Variants in CLCN7 observed in about 807,000 individuals in gnomAD.
CLCN7 encodes the protein H(+)/Cl(-) exchange transporter 7.
Under a neutral mutation model 102.1 loss-of-function variants are expected in CLCN7, and 60 were observed. The ratio of observed to expected loss-of-function variants is 0.59; its 90% confidence interval spans 0.48 to 0.73. The LOEUF is 0.73. Ranked by LOEUF, CLCN7 falls within the 30% of genes least tolerant of loss-of-function variation. CLCN7 has a pLI of 0.00. For synonymous variants in CLCN7, 560 were observed against 490.5 expected (o/e 1.14, Z -1.87); for missense variants, 962 against 1,125.7 (o/e 0.85, Z 2.08).
At chr16:1,456,657 G>A (rs1222268832) in intron 9 of CLCN7, among the ~76,000 whole-genome samples, 2 of 152,058 alleles carry the variant, frequency 1.3e-5, no homozygotes, top group Non-Finnish European at 2.9e-5. Context: ...CGGCCAACAT[G>A]GCAAAACCCC....
At position 1,460,942 on chromosome 16, in the gene CLCN7, G is replaced by A. The variant is rs763806969; in HGVS notation, c.358C>T (p.Arg120Trp). ...ACCCAGCGCTTGATCTCCACCGTCC[G>A]GAAGGCCTGCAGGGCGCGGTCAGGG... ...EERRINHTAFRTVEIKRWVIC... is the reference protein window; with the variant it reads ...EERRINHTAFWTVEIKRWVIC... Residue 120 changes from arginine to tryptophan, a missense_variant, in exon 5 of 25, where the codon CGG becomes TGG. Physicochemically the swap from Arg to Trp is moderately radical, Grantham distance 101 (BLOSUM62 -3). Transcript: ENST00000382745. 4.3e-6 allele frequency: 7 copies of A among 1,613,238 alleles called. No homozygotes were observed. The highest frequency in any genetic ancestry group is 2.7e-5 in the African/African-American group (2 of 74,936).
chr16:1,453,737 T>C (rs1432494895), intron 14 of CLCN7, 97 bp downstream of exon 14: 2 of 1,145,646 alleles, frequency 1.7e-6, no homozygotes, highest in Non-Finnish European at 2.6e-6. Context: ...CTTTCGGCTG[T>C]GGCCTAGGAG....
intron 14 of CLCN7, among the ~76,000 whole-genome samples, chr16:1,453,567 C>T (rs968758567): frequency 1.3e-5 from 2 of 152,224 alleles, no homozygotes; most frequent in Non-Finnish European, 2.9e-5. Flanking sequence ...CGCCCAGGCC[C>T]GATCCCACGC....
At chr16:1,448,853 C>T in intron 19 of CLCN7, 87 bp from the exon 20 acceptor site, 1 of 1,595,402 alleles carries the variant, frequency 6.3e-7, no homozygotes, top group Non-Finnish European at 8.5e-7. Flanking sequence ...CAGAGGCCGC[C>T]CCCAGAAACC....
At chr16:1,449,427 C>G (rs2142369213) in intron 17 of CLCN7, 100 bp from the exon 18 acceptor site, 1 of 1,122,992 alleles carries the variant, frequency 8.9e-7, no homozygotes, top group African/African-American at 1.5e-5. Context: ...AGCAGCCCCA[C>G]AGCCAGGAAC....
At chr16:1,467,267 C>G (rs2039018143) in intron 1 of CLCN7, among the ~76,000 whole-genome samples, 1 of 152,180 alleles carries the variant, frequency 6.6e-6, no homozygotes, top group South Asian at 2.1e-4. Flanking sequence ...GTGGGAGGGG[C>G]TAGAGTGCAC....
chr16:1,456,566 C>T (rs1357840287), intron 9 of CLCN7, among the ~76,000 whole-genome samples: 6 of 152,224 alleles, frequency 3.9e-5, no homozygotes, highest in Non-Finnish European at 7.3e-5. Context: ...ATGGCCGGCG[C>T]GGTGCCTCAC....
rs758398351 is a variant in CLCN7, at chr16:1,449,263, A to G, written c.1669+13T>C. The G allele has an allele frequency of 1.3e-6, 2 of 1,580,790 alleles. No homozygotes were observed. The highest frequency in any genetic ancestry group is 1.7e-6 in the Non-Finnish European group (2 of 1,164,040). ...TGGAGCTCCCCACCCATCGGGCAAG[A>G]GCTGGGACATACCCAGCTGGGCAGC... On this transcript the variant is annotated intron_variant, in intron 18 of 24. Coordinates refer to ENST00000382745, the MANE Select transcript of CLCN7 (RefSeq NM_001287.6).
intron 1 of CLCN7, chr16:1,474,352 C>A: frequency 2.8e-6 from 1 of 362,962 alleles, no homozygotes; most frequent in Non-Finnish European, 5.5e-6. Flanking sequence ...TAAAGGCGCT[C>A]AGTCATTCTC....
rs1411000255 is a variant in CLCN7, at chr16:1,446,452, CAGGGTCAGTCCCGCGAG to C, written c.*162_*178del. ...CAAGGGGGGAGACCACTGCCCACAA[CAGGGTCAGTCCCGCGAG>C]AGGGTCAGTTCCGCGCCTGCCGCCT... On this transcript the variant is annotated 3_prime_UTR_variant, in exon 25 of 25. Transcript: ENST00000382745. 24 of 709,416 alleles carry C rather than the reference CAGGGTCAGTCCCGCGAG, an allele frequency of 3.4e-5. No individual in the cohort carries two copies. In the East Asian group the frequency reaches 6.2e-4, roughly 18 times the overall value. 43.9% of individuals were successfully genotyped at this position (709,416 alleles called of 1,614,324 possible).
At chr16:1,462,665 C>CAAAAGAAAAAAAAA (rs2038954461) in intron 2 of CLCN7, among the ~76,000 whole-genome samples, 1 of 36,180 alleles carries the variant, frequency 2.8e-5, no homozygotes, top group African/African-American at 7.9e-5. Flanking sequence ...AAAAAAAAGC[C>CAAAAGAAAAAAAAA]AAAAAAAAAA....
In CLCN7 at chr16:1,474,293, C is replaced by G. The variant is rs78036660; in HGVS notation, c.141+541G>C. 3,798 of 439,334 alleles carry G rather than the reference C, an allele frequency of 8.6e-3. 125 individuals carry two copies. Among genetic ancestry groups the G allele is most frequent in the African/African-American group, 0.069 (3,411 of 49,566 alleles). The allele number at this position is 439,334 out of a possible 1,614,324, so 27.2% of individuals were successfully genotyped here. A position where few individuals can be genotyped will look rare whatever the true frequency, so the allele number is the denominator to read the frequency against. ...ACTGAGTACAAATACTCGTCACTCC[C>G]AAGATCACCTGAAAGTCGGGACTGA... is the stretch of plus-strand genomic sequence containing the variant. On this transcript the variant is annotated intron_variant, in intron 1 of 24. Transcript: ENST00000382745.
chr16:1,453,503 G>A (rs1260402484), intron 14 of CLCN7, among the ~76,000 whole-genome samples: 1 of 152,236 alleles, frequency 6.6e-6, no homozygotes, highest in Non-Finnish European at 1.5e-5. Flanking sequence ...CGGTGTCCCA[G>A]GACAGCTGCG....
Position 1,447,712 on chromosome 16 carries a change from A to G in CLCN7, c.2016T>C (p.Pro672=). 1 of 1,552,678 alleles carries G rather than the reference A, an allele frequency of 6.4e-7. No individual in the cohort carries two copies. The highest frequency in any genetic ancestry group is 8.7e-7 in the Non-Finnish European group (1 of 1,148,556). ...GCAGGATCAGGCCCTGGAGCCGGGC[A>G]GGCTGCAAGACAGGCCCGCGGTCAG... ...PVVEHADDTQ[P]ARLQGLILRS... is the part of the protein sequence containing the mutation. Residue 672 remains proline, a splice_region_variant and synonymous_variant, in exon 22 of 25, where the codon CCT becomes CCC. Transcript: ENST00000382745.
intron 2 of CLCN7, among the ~76,000 whole-genome samples, chr16:1,463,243 A>C (rs1031132239): frequency 1.3e-5 from 2 of 152,116 alleles, no homozygotes; most frequent in Non-Finnish European, 2.9e-5. Flanking sequence ...TTAGGAAAAA[A>C]CGGGTCAGTC....
At position 1,452,778 on chromosome 16, in the gene CLCN7, C is replaced by T. The variant is rs754968460; in HGVS notation, c.1330G>A (p.Gly444Ser). The T allele has an allele frequency of 1.2e-6, 2 of 1,604,872 alleles. No individual in the cohort carries two copies. The highest frequency in any genetic ancestry group is 2.3e-5 in the East Asian group (1 of 44,378). Residue 444 changes from glycine to serine, a missense_variant, in exon 15 of 25, where the codon GGC (glycine) becomes AGC (serine). Gly to Ser is a moderately conservative substitution (Grantham distance 56). Transcript: ENST00000382745. The part of the protein sequence containing the change: ...SSRDCQPLQG[G>S]SMSYPLQLFC... ...ACCTGCAGCGGGTAGGACATGGAGC[C>T]CCCCTGCAGGGGCTGGCAATCCCGC...
intron 6 of CLCN7, among the ~76,000 whole-genome samples, chr16:1,459,790 C>T (rs1207872785): frequency 1.2e-4 from 8 of 65,510 alleles, no homozygotes; most frequent in East Asian, 3.8e-4. Context: ...CTTCGGGGCC[C>T]CAGGGAAGGG....
chr16:1,452,945 C>G (rs1274943594), intron 14 of CLCN7, 52 bp from the exon 15 acceptor site: 1 of 1,550,608 alleles, frequency 6.4e-7, no homozygotes. Flanking sequence ...CGCGGCCCCT[C>G]CGCAGGCCCC....
intron 2 of CLCN7, 44 bp from the exon 3 acceptor site, chr16:1,461,718 C>T (rs1246752770): frequency 2.6e-6 from 4 of 1,541,186 alleles, no homozygotes; most frequent in East Asian, 4.5e-5. Context: ...TTGACAAGGC[C>T]ACAAGGAGAG....
Sources: allele counts gnomAD v4.1 joint callset (sites outside exome capture counted in the v4.1 genomes callset), GRCh38; gene constraint gnomAD v4.1.1; transcripts MANE v1.5; gene names NCBI Gene and HGNC (gene_info 2026-07-23, HGNC 2026-07-21).